PCDH9: variants seen among roughly 807,000 people sequenced by gnomAD.
PCDH9 encodes the protein protocadherin 9, also known as protocadherin-9.
In PCDH9, 24 loss-of-function variants were observed where a neutral mutation model predicts 70.6. That is an observed-to-expected ratio of 0.34 (90% CI 0.25 to 0.48). The LOEUF (loss-of-function observed/expected upper bound fraction) is 0.48. Among genes scored for constraint, PCDH9 ranks in the 20% least tolerant of loss-of-function variants. The probability of loss-of-function intolerance (pLI) is 0.99; values close to 1 mark genes in which losing one functional copy is unlikely to be tolerated. For synonymous variants in PCDH9, 562 were observed against 558.5 expected, an observed-to-expected ratio of 1.01 and a Z score of -0.09; for missense variants, 1,281 against 1,503.6, an observed-to-expected ratio of 0.85 and a Z score of 2.45.
At chr13:66,642,603 G>C (rs980594556) in intron 3 of PCDH9, among the ~76,000 whole-genome samples, 1 of 151,742 alleles carries the variant, frequency 6.6e-6, no homozygotes, top group Non-Finnish European at 1.5e-5. Flanking sequence ...CATATTATAC[G>C]ACACAGCCTC....
chr13:66,554,148 C>G (rs989017953), intron 4 of PCDH9, among the ~76,000 whole-genome samples: 7 of 152,154 alleles, frequency 4.6e-5, no homozygotes, highest in Admixed American at 1.3e-4. Context: ...CTTAACAACC[C>G]TTCTAGAGAA....
chr13:66,849,237 A>G (rs917500274), intron 3 of PCDH9, among the ~76,000 whole-genome samples: 16 of 151,904 alleles, frequency 1.1e-4, no homozygotes, highest in Non-Finnish European at 2.1e-4. Flanking sequence ...AGTGACATTC[A>G]TCTGTTCTGT....
At chr13:66,672,687 A>G (rs1316029020) in intron 3 of PCDH9, among the ~76,000 whole-genome samples, 1 of 152,234 alleles carries the variant, frequency 6.6e-6, no homozygotes, top group Non-Finnish European at 1.5e-5. Flanking sequence ...CCACAGGCGC[A>G]GAGCTGCCCA....
intron 2 of PCDH9, among the ~76,000 whole-genome samples, chr13:66,907,099 G>T (rs887563860): frequency 3.3e-5 from 5 of 152,098 alleles, no homozygotes; most frequent in Non-Finnish European, 7.4e-5. Context: ...AGCTACTTGG[G>T]AGTCTGAGGC....
chr13:66,803,517 C>T (rs112378016), intron 3 of PCDH9, among the ~76,000 whole-genome samples: 2,035 of 152,232 alleles, frequency 0.013, 36 homozygotes, highest in African/African-American at 0.046. Context: ...CACCAATCGC[C>T]CCAGCAGAGC....
At chr13:66,491,072 T>C (rs2138532931) in intron 4 of PCDH9, among the ~76,000 whole-genome samples, 1 of 152,332 alleles carries the variant, frequency 6.6e-6, no homozygotes, top group African/African-American at 2.4e-5. Flanking sequence ...TAGTTTCTCC[T>C]GAACATCTGT....
Position 66,603,302 on chromosome 13 carries a change from T to A in PCDH9, c.3340+27908A>T, listed in dbSNP as rs539620368. On this transcript the variant is annotated intron_variant, in intron 4 of 4. Coordinates refer to ENST00000377865, the MANE Select transcript of PCDH9 (RefSeq NM_203487.3). Reference sequence around the variant, plus strand: ...ATTAGCTGCTTTTTAACTTAAAGAATGTGGCTACAATAACCACCAAAAAGG... The same window carrying A: ...ATTAGCTGCTTTTTAACTTAAAGAAAGTGGCTACAATAACCACCAAAAAGG... Among the ~76,000 whole-genome samples the A allele has an allele frequency of 4.6e-5, 7 of 152,164 alleles. No homozygotes were observed. The South Asian group carries it at 1.2e-3, about 27-fold the overall frequency.
intron 2 of PCDH9, among the ~76,000 whole-genome samples, chr13:67,075,704 C>A (rs1352329182): frequency 6.6e-6 from 1 of 152,084 alleles, no homozygotes; most frequent in African/African-American, 2.4e-5. Context: ...AAAACTGCCA[C>A]AAGATCTAGT....
At chr13:66,827,426 A>C (rs1045696079) in intron 3 of PCDH9, among the ~76,000 whole-genome samples, 7 of 151,788 alleles carry the variant, frequency 4.6e-5, no homozygotes, top group Non-Finnish European at 1.0e-4. Flanking sequence ...CACTTGAGGC[A>C]CTATAGAAGG....
At chr13:67,089,025 T>C (rs1440312652) in intron 2 of PCDH9, among the ~76,000 whole-genome samples, 5 of 152,026 alleles carry the variant, frequency 3.3e-5, no homozygotes, top group African/African-American at 7.2e-5. Flanking sequence ...CCCTTGTATA[T>C]GCATTGCCTT....
At chr13:66,732,301 T>C (rs1286325476) in intron 3 of PCDH9, among the ~76,000 whole-genome samples, 2 of 151,910 alleles carry the variant, frequency 1.3e-5, no homozygotes, top group African/African-American at 2.4e-5. Flanking sequence ...TATTTTGAAA[T>C]ATACAGTAAA....
chr13:66,849,517 T>TAGAGAGAGAGAGAGAGAGAGAGAGAGAG (rs58589562), intron 3 of PCDH9, among the ~76,000 whole-genome samples: 1 of 63,582 alleles, frequency 1.6e-5, no homozygotes, highest in African/African-American at 8.3e-5. Context: ...TATATATATA[T>TAGAGAGAGAGAGAGAGAGAGAGAGAGAG]AGAGAGAGAG....
chr13:66,434,393 A>T (rs1957830209), intron 4 of PCDH9, among the ~76,000 whole-genome samples: 1 of 152,012 alleles, frequency 6.6e-6, no homozygotes, highest in Non-Finnish European at 1.5e-5. Context: ...ATTGTCCATT[A>T]AACTTAATCA....
At chr13:66,770,736 G>A (rs994377580) in intron 3 of PCDH9, among the ~76,000 whole-genome samples, 3 of 152,198 alleles carry the variant, frequency 2.0e-5, no homozygotes, top group Non-Finnish European at 4.4e-5. Context: ...TACTCATATA[G>A]CAATAGCTCT....
At chr13:66,566,570 CAAAT>C (rs1424279636) in intron 4 of PCDH9, among the ~76,000 whole-genome samples, 1 of 152,080 alleles carries the variant, frequency 6.6e-6, no homozygotes, top group Non-Finnish European at 1.5e-5. Flanking sequence ...AAAACTCAAA[CAAAT>C]AAAGTAAAAT....
intron 4 of PCDH9, among the ~76,000 whole-genome samples, chr13:66,594,008 A>G (rs2077070651): frequency 6.6e-6 from 1 of 151,648 alleles, no homozygotes; most frequent in Non-Finnish European, 1.5e-5. Context: ...GTGATATGGC[A>G]TAAGTGACAC....
Position 66,303,205 on chromosome 13 carries a change from C to T in PCDH9, c.*1450G>A, listed in dbSNP as rs1243506396. On this transcript the variant is annotated 3_prime_UTR_variant, in exon 5 of 5. Coordinates refer to ENST00000377865, the MANE Select transcript of PCDH9 (RefSeq NM_203487.3). ...TTCAATAAAGACATTTTGTTGCATG[C>T]TATTTATTTGTTTAAATCATCTGTC... The T allele has an allele frequency of 4.0e-5, 6 of 151,580 alleles. No individual in the cohort carries two copies. The highest frequency in any genetic ancestry group is 8.8e-5 in the Non-Finnish European group (6 of 67,802). 9.4% of individuals were successfully genotyped at this position (151,580 alleles called of 1,614,324 possible).
At chr13:66,889,166 T>G (rs2082056196) in intron 3 of PCDH9, among the ~76,000 whole-genome samples, 1 of 152,102 alleles carries the variant, frequency 6.6e-6, no homozygotes, top group Admixed American at 6.5e-5. Context: ...AGAAAGTAAA[T>G]GTGGTAAGAA....
intron 2 of PCDH9, among the ~76,000 whole-genome samples, chr13:67,042,000 T>C (rs2085126339): frequency 6.6e-6 from 1 of 151,980 alleles, no homozygotes. Context: ...ATTTGTACAA[T>C]TCTCCATTCT....
Sources: allele counts gnomAD v4.1 joint callset (sites outside exome capture counted in the v4.1 genomes callset), GRCh38; gene constraint gnomAD v4.1.1; transcripts MANE v1.5; gene names NCBI Gene and HGNC (gene_info 2026-07-23, HGNC 2026-07-21).